Variants in SIPA1L1 observed in about 807,000 individuals in gnomAD.
SIPA1L1 encodes the protein signal induced proliferation associated 1 like 1.
A neutral mutation model predicts 162.7 loss-of-function variants in SIPA1L1; 26 were observed. The observed-to-expected ratio is 0.16, with a 90% CI of 0.12 to 0.22. The LOEUF (loss-of-function observed/expected upper bound fraction) is 0.22. Among genes scored for constraint, SIPA1L1 ranks in the 10% least tolerant of loss-of-function variants. The pLI is 1.00. For missense variants in SIPA1L1, 1,874 were observed against 2,241.0 expected, an observed-to-expected ratio of 0.84 and a Z score of 3.31; for synonymous variants, 829 against 837.4, an observed-to-expected ratio of 0.99 and a Z score of 0.17.
At chr14:71,347,082 G>T (rs1300864525) in intron 2 of SIPA1L1, among the ~76,000 whole-genome samples, 1 of 150,830 alleles carries the variant, frequency 6.6e-6, no homozygotes, top group Non-Finnish European at 1.5e-5. Flanking sequence ...CCCCCGAGTA[G>T]TTGGGATTAC....
In SIPA1L1 at chr14:71,377,966, CAGG is replaced by C. The variant is rs1465794923; in HGVS notation, c.-465+56788_-465+56790del. On this transcript the variant is annotated intron_variant, in intron 2 of 23. Coordinates refer to ENST00000381232, the MANE Select transcript of SIPA1L1 (RefSeq NM_001386936.1). The surrounding 1 kb of genome is among the most constrained non-coding windows in gnomAD (Gnocchi z 4.8). Reference sequence around the variant, plus strand: ...GGCAACCGAGGGAGACCGTGGAAAGCAGGAGATGGAGACGAGGGAGAGGGGGAG... The same window carrying C: ...GGCAACCGAGGGAGACCGTGGAAAGCAGATGGAGACGAGGGAGAGGGGGAG... Among the ~76,000 whole-genome samples, 1 of 151,980 alleles carries C rather than the reference CAGG, an allele frequency of 6.6e-6. No individual in the cohort carries two copies. Among genetic ancestry groups the C allele is most frequent in the African/African-American group, 2.4e-5 (1 of 41,310 alleles).
intron 5 of SIPA1L1, among the ~76,000 whole-genome samples, chr14:71,608,340 T>C (rs1405903781): frequency 6.6e-6 from 1 of 152,176 alleles, no homozygotes; most frequent in Admixed American, 6.5e-5. Context: ...AATCCTTCAA[T>C]AGCCTTTTCC....
At chr14:71,389,804 G>T (rs1040882256) in intron 2 of SIPA1L1, among the ~76,000 whole-genome samples, 9 of 152,074 alleles carry the variant, frequency 5.9e-5, no homozygotes, top group African/African-American at 2.2e-4. Flanking sequence ...CCCTTTCCTC[G>T]GTCTGACATG....
chr14:71,337,572 T>G (rs1053963522), intron 2 of SIPA1L1, among the ~76,000 whole-genome samples: 2 of 152,208 alleles, frequency 1.3e-5, no homozygotes, highest in African/African-American at 4.8e-5. Context: ...ATGAGACTTA[T>G]TCACTATCAC....
intron 2 of SIPA1L1, among the ~76,000 whole-genome samples, chr14:71,450,875 CAT>C (rs1298090235): frequency 2.0e-5 from 3 of 152,126 alleles, no homozygotes; most frequent in Non-Finnish European, 4.4e-5. Context: ...ATAGAACTAT[CAT>C]GTGATCCAGC....
intron 2 of SIPA1L1, among the ~76,000 whole-genome samples, chr14:71,498,323 T>C (rs1317306869): frequency 6.6e-6 from 1 of 152,234 alleles, no homozygotes; most frequent in East Asian, 1.9e-4. Flanking sequence ...GCTGCTTATG[T>C]CTCTTTCAGG....
At chr14:71,534,251 C>G (rs915803358) in intron 4 of SIPA1L1, among the ~76,000 whole-genome samples, 10 of 152,104 alleles carry the variant, frequency 6.6e-5, no homozygotes. Context: ...CCTCATTACC[C>G]TTGGTTTGCA....
intron 2 of SIPA1L1, among the ~76,000 whole-genome samples, chr14:71,364,776 C>T (rs1239994018): frequency 6.6e-6 from 1 of 151,220 alleles, no homozygotes; most frequent in Non-Finnish European, 1.5e-5. Flanking sequence ...GACAGAGTCT[C>T]ACTGTGTAGC....
chr14:71,708,008 T>A, intron 16 of SIPA1L1, among the ~76,000 whole-genome samples: 1 of 141,614 alleles, frequency 7.1e-6, no homozygotes, highest in East Asian at 2.2e-4. Flanking sequence ...GACATTTGTT[T>A]TTTGGTGTTT....
At chr14:71,328,817 A>G (rs1211509445) in intron 2 of SIPA1L1, among the ~76,000 whole-genome samples, 1 of 152,242 alleles carries the variant, frequency 6.6e-6, no homozygotes, top group African/African-American at 2.4e-5. Context: ...CATTTCAACC[A>G]TTTTTAAGTA....
intron 2 of SIPA1L1, among the ~76,000 whole-genome samples, chr14:71,340,703 G>A (rs2035558936): frequency 6.6e-6 from 1 of 152,078 alleles, no homozygotes; most frequent in Non-Finnish European, 1.5e-5. Flanking sequence ...AGGCTTTACT[G>A]AGAAAAATTT....
At chr14:71,372,959 A>G (rs2039025898) in intron 2 of SIPA1L1, among the ~76,000 whole-genome samples, 1 of 152,160 alleles carries the variant, frequency 6.6e-6, no homozygotes. Context: ...AACTGTGGAT[A>G]GTATTTTAGA....
Position 71,377,931 on chromosome 14 carries a change from G to T in SIPA1L1, c.-465+56750G>T, listed in dbSNP as rs1205382336. Among the ~76,000 whole-genome samples the T allele has an allele frequency of 6.6e-6, 1 of 152,240 alleles. No homozygotes were observed. The highest frequency in any genetic ancestry group is 2.4e-5 in the African/African-American group (1 of 41,464). On this transcript the variant is annotated intron_variant, in intron 2 of 23. Transcript: ENST00000381232. This position sits in a 1 kb window ranked among gnomAD's most constrained non-coding sequence, Gnocchi z 4.8. ...AGTGAGCCGAGATCGCAGCAGTACA[G>T]TCCAGCCTCGGCAACCGAGGGAGAC...
intron 7 of SIPA1L1, among the ~76,000 whole-genome samples, chr14:71,629,459 C>CA (rs1465946022): frequency 1.3e-5 from 2 of 152,222 alleles, no homozygotes; most frequent in Admixed American, 6.5e-5. Context: ...ACCAGTACAT[C>CA]AGCCACCCTG....
Position 71,431,020 on chromosome 14 carries a change from ACTT to A in SIPA1L1, c.-464-81719_-464-81717del, listed in dbSNP as rs76092115. Among the ~76,000 whole-genome samples the A allele has an allele frequency of 4.8e-3, 733 of 152,260 alleles. 23 individuals carry two copies. In the East Asian group the frequency reaches 0.091, roughly 19 times the overall value. On this transcript the variant is annotated intron_variant, in intron 2 of 23. Coordinates refer to ENST00000381232, the MANE Select transcript of SIPA1L1 (RefSeq NM_001386936.1). ...ATTTTTTGTTATTTAGGGAAAAAAA[ACTT>A]CTTGAGAACAAATTTGTTAGCAGCG... is the stretch of plus-strand genomic sequence containing the variant.
At chr14:71,574,550 C>A (rs2032669334) in intron 4 of SIPA1L1, 1 of 152,136 alleles carries the variant, frequency 6.6e-6, no homozygotes, top group African/African-American at 2.4e-5. Context: ...GGCTAAGACT[C>A]GTGCTAATAT....
intron 21 of SIPA1L1, 77 bp downstream of exon 21, chr14:71,733,889 T>G: frequency 2.1e-6 from 3 of 1,455,682 alleles, no homozygotes; most frequent in Non-Finnish European, 2.8e-6. Context: ...TCTACTTCTC[T>G]GGACACACTC....
At chr14:71,489,929 A>G (rs2049100952) in intron 2 of SIPA1L1, among the ~76,000 whole-genome samples, 1 of 152,196 alleles carries the variant, frequency 6.6e-6, no homozygotes, top group Non-Finnish European at 1.5e-5. Context: ...TTGCAACTTA[A>G]CATTATTCAT....
chr14:71,373,944 A>G (rs934704539), intron 2 of SIPA1L1, among the ~76,000 whole-genome samples: 3 of 152,142 alleles, frequency 2.0e-5, no homozygotes, highest in African/African-American at 4.8e-5. Flanking sequence ...CCCTCTGCAC[A>G]CTGGCTGGAG....
Sources: allele counts gnomAD v4.1 joint callset (sites outside exome capture counted in the v4.1 genomes callset), GRCh38; gene constraint gnomAD v4.1.1; non-coding constraint Gnocchi (gnomAD v3.1); transcripts MANE v1.5; gene names NCBI Gene and HGNC (gene_info 2026-07-23, HGNC 2026-07-21).